Variants in BCLAF3 observed in about 807,000 individuals in gnomAD.
The protein encoded by BCLAF3 is BCLAF1 and THRAP3 family member 3.
BCLAF3 carries 24 observed loss-of-function variants against 51.2 expected under a neutral mutation model. The observed-to-expected ratio is 0.47, with a 90% CI of 0.34 to 0.66. The LOEUF (loss-of-function observed/expected upper bound fraction) is 0.66, where lower values mean the gene tolerates loss of function less well. Ranked by LOEUF, BCLAF3 falls within the 30% of genes least tolerant of loss-of-function variation. BCLAF3 has a pLI of 0.01. For missense variants in BCLAF3, 465 were observed against 525.1 expected (o/e 0.89, Z 1.12); for synonymous variants, 152 against 176.6 (o/e 0.86, Z 1.10).
intron 9 of BCLAF3, among the ~76,000 whole-genome samples, chrX:19,936,195 A>C (rs2070752263): frequency 8.9e-6 from 1 of 112,001 alleles, no homozygotes; most frequent in East Asian, 2.8e-4. Flanking sequence ...AATGGATGAT[A>C]CATCTAGCAT....
At chrX:19,963,897 C>A (rs1359356308) in intron 4 of BCLAF3, among the ~76,000 whole-genome samples, 1 of 110,573 alleles carries the variant, frequency 9.0e-6, no homozygotes, top group Non-Finnish European at 1.9e-5. Context: ...CACCTATAGT[C>A]CTAGATACTC....
chrX:19,985,948 C>A (rs1231973852), intron 1 of BCLAF3, among the ~76,000 whole-genome samples: 1 of 109,324 alleles, frequency 9.1e-6, no homozygotes, highest in African/African-American at 3.3e-5. Flanking sequence ...GAGACCTTGT[C>A]TCAGGAAAAA....
rs1226007623 is a variant in BCLAF3 at position 19,965,102 on chromosome X, G to T, written c.1216C>A (p.Leu406Ile). 8.4e-7 allele frequency: 1 copy of T among 1,194,615 alleles called. No individual in the cohort carries two copies. The highest frequency in any genetic ancestry group is 2.4e-5 in the Admixed American group (1 of 41,363). Residue 406 changes from leucine to isoleucine, a missense_variant, in exon 4 of 12, where the codon CTT (leucine) becomes ATT (isoleucine). Transcript: ENST00000379682. ...LPDVKPSPIN[L>I]RKKSLTVKVD... The stretch of plus-strand genomic sequence containing the variant: ...TTAACTGTAAGTGATTTCTTCCTAA[G>T]ATTGATAGGCGAGGGTTTCACATCA...
intron 4 of BCLAF3, among the ~76,000 whole-genome samples, chrX:19,959,619 A>T (rs2071783656): frequency 9.3e-6 from 1 of 106,964 alleles, no homozygotes; most frequent in African/African-American, 3.4e-5. Context: ...CTAAAAATAA[A>T]AAAAAAAAAA....
At chrX:19,979,035 G>C (rs908487252) in intron 1 of BCLAF3, among the ~76,000 whole-genome samples, 13 of 111,429 alleles carry the variant, frequency 1.2e-4, no homozygotes, top group African/African-American at 3.6e-4. Context: ...CAATGCAGGT[G>C]AATCAGTTGA....
intron 11 of BCLAF3, 84 bp downstream of exon 11, chrX:19,929,701 A>C (rs769089735): frequency 2.2e-5 from 22 of 986,259 alleles, no homozygotes; most frequent in Non-Finnish European, 2.0e-5. Flanking sequence ...AAATTAAATG[A>C]GAAACCAATT....
intron 4 of BCLAF3, 117 bp from the exon 5 acceptor site, chrX:19,955,683 G>A: frequency 1.8e-6 from 1 of 553,624 alleles, no homozygotes; most frequent in East Asian, 4.1e-5. Context: ...TTATAATTAA[G>A]GCACTAAATT....
intron 8 of BCLAF3, among the ~76,000 whole-genome samples, chrX:19,940,943 A>G (rs1464175117): frequency 9.1e-6 from 1 of 110,192 alleles, no homozygotes; most frequent in Non-Finnish European, 1.9e-5. Context: ...TTGTTTCCTG[A>G]CTTTTTAATG....
chrX:19,936,620 G>A (rs2070771188), intron 9 of BCLAF3, among the ~76,000 whole-genome samples: 1 of 111,545 alleles, frequency 9.0e-6, no homozygotes, highest in African/African-American at 3.3e-5. Flanking sequence ...CAGGGCCTAG[G>A]AACTTGCTTC....
intron 10 of BCLAF3, among the ~76,000 whole-genome samples, chrX:19,933,859 C>T (rs1243214444): frequency 2.7e-5 from 3 of 111,665 alleles, no homozygotes; most frequent in African/African-American, 9.8e-5. Flanking sequence ...CAACCTCTGC[C>T]TCCCAGGCTG....
At chrX:19,947,436 T>C (rs1353672823) in intron 8 of BCLAF3, among the ~76,000 whole-genome samples, 1 of 111,248 alleles carries the variant, frequency 9.0e-6, no homozygotes, top group Non-Finnish European at 1.9e-5. Flanking sequence ...GGAGAAAACA[T>C]GGAGACATCA....
intron 1 of BCLAF3, among the ~76,000 whole-genome samples, chrX:19,985,362 T>C: frequency 9.0e-6 from 1 of 111,579 alleles, no homozygotes; most frequent in Non-Finnish European, 1.9e-5. Context: ...GAGTACCACT[T>C]GATGCCAGGA....
chrX:19,939,237 T>C (rs969880459), intron 8 of BCLAF3, among the ~76,000 whole-genome samples: 1 of 112,310 alleles, frequency 8.9e-6, no homozygotes, highest in African/African-American at 3.2e-5. Flanking sequence ...CATCTCTGAC[T>C]GGTAAAATTA....
At chrX:19,966,714 A>C in intron 2 of BCLAF3, 65 bp from the exon 3 acceptor site, 1 of 975,722 alleles carries the variant, frequency 1.0e-6, no homozygotes, top group Admixed American at 2.9e-5. Context: ...AATATGACCT[A>C]CCAAAAACAG....
In BCLAF3 at chrX:19,914,706, A is replaced by G. The variant is rs1272010776; in HGVS notation, c.*2599T>C. The stretch of plus-strand genomic sequence containing the variant: ...TTCTTCAAATTGAAATTTATGTTGA[A>G]GTAACTCTAGATTCACATGCAGCTA... On this transcript the variant is annotated 3_prime_UTR_variant, in exon 12 of 12. Coordinates refer to ENST00000379682, the MANE Select transcript of BCLAF3 (RefSeq NM_001367774.2). 9.0e-6 allele frequency: 1 copy of G among 111,416 alleles called. No homozygotes were observed. Among genetic ancestry groups the G allele is most frequent in the East Asian group, 2.8e-4 (1 of 3,575 alleles). The allele number at this position is 111,416 out of a possible 1,213,427, so 9.2% of individuals were successfully genotyped here.
chrX:19,987,462 G>A (rs1226773072), intron 1 of BCLAF3, among the ~76,000 whole-genome samples: 6 of 111,130 alleles, frequency 5.4e-5, no homozygotes, highest in Non-Finnish European at 9.4e-5. Flanking sequence ...GCACCACCAC[G>A]CCTGGCTACT....
intron 1 of BCLAF3, among the ~76,000 whole-genome samples, chrX:19,988,039 A>G (rs1275381275): frequency 1.8e-5 from 2 of 112,161 alleles, no homozygotes; most frequent in African/African-American, 6.5e-5. Flanking sequence ...TGGTCAGCAG[A>G]AATGGGCTTT....
chrX:19,921,158 T>C (rs2070143676), intron 11 of BCLAF3, among the ~76,000 whole-genome samples: 3 of 111,824 alleles, frequency 2.7e-5, no homozygotes, highest in African/African-American at 9.8e-5. Flanking sequence ...TCTTTTCTTG[T>C]AGGCAATAAA....
In BCLAF3 at chrX:19,915,803, T is replaced by A. The variant is rs2069925313; in HGVS notation, c.*1502A>T. Reference sequence around the variant, plus strand: ...TAAATGAAATCAATTATTTTAAAATTTAAGACAGATTTTATAAGTACCTAA... The same window carrying A: ...TAAATGAAATCAATTATTTTAAAATATAAGACAGATTTTATAAGTACCTAA... On this transcript the variant is annotated 3_prime_UTR_variant, in exon 12 of 12. Transcript: ENST00000379682. The A allele has an allele frequency of 2.7e-5, 3 of 111,863 alleles. No individual in the cohort carries two copies. In the Admixed American group the frequency reaches 2.9e-4, roughly 11 times the overall value. The allele number at this position is 111,863 out of a possible 1,213,427, so 9.2% of individuals were successfully genotyped here.
Sources: allele counts gnomAD v4.1 joint callset (sites outside exome capture counted in the v4.1 genomes callset), GRCh38; gene constraint gnomAD v4.1.1; transcripts MANE v1.5; gene names NCBI Gene and HGNC (gene_info 2026-07-23, HGNC 2026-07-21).